The following PTPN6 variants were observed in gnomAD, a reference collection of about 807,000 sequenced individuals.
PTPN6 encodes the protein tyrosine-protein phosphatase non-receptor type 6.
PTPN6 carries 18 observed loss-of-function variants against 81.5 expected under a neutral mutation model. The ratio of observed to expected loss-of-function variants is 0.22; its 90% CI spans 0.15 to 0.33. The LOEUF (loss-of-function observed/expected upper bound fraction) is 0.33. Among genes scored for constraint, PTPN6 ranks in the 10% least tolerant of loss-of-function variants. The pLI is 1.00. For synonymous variants in PTPN6, 301 were observed against 310.9 expected (o/e 0.97, Z 0.33); for missense variants, 500 against 794.2 (o/e 0.63, Z 4.45).
In PTPN6 at chr12:6,957,824, C is replaced by G. The variant is rs782369044; in HGVS notation, c.1206+39C>G. The G allele has an allele frequency of 1.2e-6, 2 of 1,613,946 alleles. No homozygotes were observed. Among genetic ancestry groups the G allele is most frequent in the East Asian group, 2.2e-5 (1 of 44,900 alleles). On this transcript the variant is annotated intron_variant, in intron 10 of 15. Coordinates refer to ENST00000318974, the MANE Select transcript of PTPN6 (RefSeq NM_002831.6). This position sits in a 1 kb window ranked among gnomAD's most constrained non-coding sequence, Gnocchi z 6.5. ...ACGCCCTGCCCCATTCCGGGAGTCC[C>G]TCCCTGGACTTGTTCTCCTCTCTGG...
intron 11 of PTPN6, among the ~76,000 whole-genome samples, chr12:6,958,293 G>A (rs1239899664): frequency 6.6e-6 from 1 of 152,154 alleles, no homozygotes; most frequent in Non-Finnish European, 1.5e-5. Flanking sequence ...CTTCCTCAGA[G>A]CCCTCTCCGG....
In PTPN6 at chr12:6,959,148, G is replaced by A. The variant is rs782748628; in HGVS notation, c.1362-779G>A. Reference sequence around the variant, plus strand: ...CCCCCGATGGGCTGTCCGGGGACGCGGCTCTGTCCTGTGCTCTCTCAGGGA... The same window carrying A: ...CCCCCGATGGGCTGTCCGGGGACGCAGCTCTGTCCTGTGCTCTCTCAGGGA... On this transcript the variant is annotated intron_variant, in intron 11 of 15. Transcript: ENST00000318974. The surrounding 1 kb of genome is among the most constrained non-coding windows in gnomAD (Gnocchi z 6.6). Among the ~76,000 whole-genome samples, 24 of 152,206 alleles carry A rather than the reference G, an allele frequency of 1.6e-4. No homozygotes were observed. Among genetic ancestry groups the A allele is most frequent in the Admixed American group, 2.6e-4 (4 of 15,284 alleles).
rs1418721324 is a variant in PTPN6, at chr12:6,956,066, T to G, written c.845-76T>G. 6.9e-7 allele frequency: 1 copy of G among 1,459,116 alleles called. No homozygotes were observed. Among genetic ancestry groups the G allele is most frequent in the African/African-American group, 1.4e-5 (1 of 71,582 alleles). 90.4% of individuals were successfully genotyped at this position (1,459,116 alleles called of 1,614,324 possible). A position where few individuals can be genotyped will look rare whatever the true frequency, so the allele number is the denominator to read the frequency against. On this transcript the variant is annotated intron_variant, in intron 7 of 15. Coordinates refer to ENST00000318974, the MANE Select transcript of PTPN6 (RefSeq NM_002831.6). This position sits in a 1 kb window ranked among gnomAD's most constrained non-coding sequence, Gnocchi z 4.1. ...TCTGAGACCAGAATGGCCTGTTAGC[T>G]CAGGAGGGTCTGACCCAGGTGTGGT...
rs371086482 is a variant in PTPN6, at chr12:6,954,542, C to T, written c.327-263C>T. Among the ~76,000 whole-genome samples the T allele has an allele frequency of 3.5e-4, 54 of 152,320 alleles. No individual in the cohort carries two copies. Among genetic ancestry groups the T allele is most frequent in the African/African-American group, 9.6e-4 (40 of 41,560 alleles). ...AGCCTGGGCAACAGAGCTCTGGAAG[C>T]TTGCCCTAGAGTCAGTCAAGGGCCC... On this transcript the variant is annotated intron_variant, in intron 3 of 15. Coordinates refer to ENST00000318974, the MANE Select transcript of PTPN6 (RefSeq NM_002831.6). This position sits in a 1 kb window ranked among gnomAD's most constrained non-coding sequence, Gnocchi z 5.4.
At chr12:6,950,476 A>C (rs782292198), upstream of PTPN6, among the ~76,000 whole-genome samples, 81 of 23,366 alleles carry the variant, frequency 3.5e-3, no homozygotes, top group Non-Finnish European at 6.5e-3. Flanking sequence ...CTTGTCCCCC[A>C]GCCCCCCAGG....
rs1340964781 is a variant in PTPN6 at position 6,956,735 on chromosome 12, C to T, written c.1074+167C>T. On this transcript the variant is annotated intron_variant, in intron 9 of 15. Transcript: ENST00000318974. The surrounding 1 kb of genome is among the most constrained non-coding windows in gnomAD (Gnocchi z 4.1). The stretch of plus-strand genomic sequence containing the variant: ...AGTCTCGACTACACAACGTGACCCC[C>T]AGATCCCTGCATGCATCCCTGGGCT... 6.6e-6 allele frequency among the ~76,000 whole-genome samples: 1 copy of T among 152,154 alleles called. No homozygotes were observed. The highest frequency in any genetic ancestry group is 1.5e-5 in the Non-Finnish European group (1 of 68,022).
rs78416656 is a variant in PTPN6 at position 6,951,499 on chromosome 12, C to T, written c.-14C>T. On this transcript the variant is annotated 5_prime_UTR_variant, in exon 1 of 16. Transcript: ENST00000318974. This position sits in a 1 kb window ranked among gnomAD's most constrained non-coding sequence, Gnocchi z 7.2. ...TCATTCCCTGCGCCCCCTTCCTCTC[C>T]GGAAGCCCCCAGGATGGTGAGGTAA... The T allele has an allele frequency of 6.1e-5, 98 of 1,613,884 alleles. No individual in the cohort carries two copies. The highest frequency in any genetic ancestry group is 4.9e-4 in the East Asian group (22 of 44,870).
intron 11 of PTPN6, among the ~76,000 whole-genome samples, chr12:6,958,790 C>G (rs1443893648): frequency 6.6e-6 from 1 of 152,228 alleles, no homozygotes; most frequent in Non-Finnish European, 1.5e-5. Context: ...GTGCAGGGCC[C>G]CTCCGCTTAC....
chr12:6,957,894 C>A lies in PTPN6; in HGVS notation c.1207-25C>A, dbSNP rs1946060828. 6.2e-7 allele frequency: 1 copy of A among 1,613,890 alleles called. No individual in the cohort carries two copies. Among genetic ancestry groups the A allele is most frequent in the African/African-American group, 1.3e-5 (1 of 74,910 alleles). On this transcript the variant is annotated intron_variant, in intron 10 of 15. Transcript: ENST00000318974. This position sits in a 1 kb window ranked among gnomAD's most constrained non-coding sequence, Gnocchi z 6.5. The stretch of plus-strand genomic sequence containing the variant: ...TGAGGTGTTCCGAGAGAGGAGGGGG[C>A]ACTGACCCTATGTCCTCGGCTTAGG...
upstream of PTPN6, among the ~76,000 whole-genome samples, chr12:6,948,107 G>A (rs1842110450): frequency 6.6e-6 from 1 of 151,918 alleles, no homozygotes; most frequent in Non-Finnish European, 1.5e-5. Context: ...GCAACATAGA[G>A]AGACCCCATC....
At chr12:6,950,360 G>A (rs1371568639), upstream of PTPN6, among the ~76,000 whole-genome samples, 2 of 151,942 alleles carry the variant, frequency 1.3e-5, no homozygotes, top group Non-Finnish European at 2.9e-5. Context: ...TTGGTTTGGC[G>A]GTGTTGATGT....
upstream of PTPN6, among the ~76,000 whole-genome samples, chr12:6,949,787 T>A (rs1945893417): frequency 6.6e-6 from 1 of 151,520 alleles, no homozygotes; most frequent in African/African-American, 2.4e-5. Flanking sequence ...TCTTCTTGTA[T>A]CACCATTGAT....
rs782167753 is a variant in PTPN6, at chr12:6,960,874, G to A, written c.1742G>A (p.Arg581Gln). 14 of 1,580,246 alleles carry A rather than the reference G, an allele frequency of 8.9e-6. No homozygotes were observed. In the Admixed American group the frequency reaches 1.8e-4, roughly 21 times the overall value. Residue 581 changes from arginine to glutamine, a missense_variant, in exon 15 of 16, where the codon CGG (arginine) becomes CAG (glutamine). By Grantham distance (43) the Arg-to-Gln change is conservative. Transcript: ENST00000318974. This position sits in a 1 kb window ranked among gnomAD's most constrained non-coding sequence, Gnocchi z 6.1. Reference protein sequence around the residue: ...NKREEKVKKQRSADKEKSKGS... With the variant: ...NKREEKVKKQQSADKEKSKGS... ...AGGGAGGAGAAAGTGAAGAAGCAGC[G>A]GTCAGCAGACAAGGAGAAGAGCAAG...
rs201346004 is a variant in PTPN6, at chr12:6,951,954, G to T, written c.132-29G>T. 33 of 1,607,748 alleles carry T rather than the reference G, an allele frequency of 2.1e-5. No homozygotes were observed. Among genetic ancestry groups the T allele is most frequent in the Non-Finnish European group, 2.7e-5 (32 of 1,176,106 alleles). ...GCCCTCCTGCCTCTACTCCTGCACC[G>T]ACTGGCCTCACCGCCTGGTGCCCTG... On this transcript the variant is annotated intron_variant, in intron 2 of 15. Transcript: ENST00000318974. The surrounding 1 kb of genome is among the most constrained non-coding windows in gnomAD (Gnocchi z 7.2).
chr12:6,952,364 C>G lies in PTPN6; in HGVS notation c.326+187C>G, dbSNP rs1945941686. On this transcript the variant is annotated intron_variant, in intron 3 of 15. Coordinates refer to ENST00000318974, the MANE Select transcript of PTPN6 (RefSeq NM_002831.6). The surrounding 1 kb of genome is among the most constrained non-coding windows in gnomAD (Gnocchi z 8.1). ...TGGGACCTGGTGTCTCAGAGCCTAA[C>G]CTACCACCCTTTCCACCTAACCCCG... 1.5e-6 allele frequency: 1 copy of G among 688,902 alleles called. No homozygotes were observed. Among genetic ancestry groups the G allele is most frequent in the African/African-American group, 1.8e-5 (1 of 55,880 alleles). 42.7% of individuals were successfully genotyped at this position (688,902 alleles called of 1,614,324 possible).
chr12:6,955,043 G>A lies in PTPN6; in HGVS notation c.516+49G>A. 1 of 1,611,314 alleles carries A rather than the reference G, an allele frequency of 6.2e-7. No homozygotes were observed. Among genetic ancestry groups the A allele is most frequent in the Non-Finnish European group, 8.5e-7 (1 of 1,177,656 alleles). ...AGCCTCTGCTGAGGCTCCTGTCTGT[G>A]ACCACAGTGTGGGTGGCAGGGAGGG... On this transcript the variant is annotated intron_variant, in intron 4 of 15. Coordinates refer to ENST00000318974, the MANE Select transcript of PTPN6 (RefSeq NM_002831.6). The surrounding 1 kb of genome is among the most constrained non-coding windows in gnomAD (Gnocchi z 7.2).
Position 6,954,173 on chromosome 12 carries a change from C to T in PTPN6, c.327-632C>T, listed in dbSNP as rs1945978904. 6.6e-6 allele frequency among the ~76,000 whole-genome samples: 1 copy of T among 152,118 alleles called. No individual in the cohort carries two copies. The highest frequency in any genetic ancestry group is 2.4e-5 in the African/African-American group (1 of 41,430). On this transcript the variant is annotated intron_variant, in intron 3 of 15. Transcript: ENST00000318974. The surrounding 1 kb of genome is among the most constrained non-coding windows in gnomAD (Gnocchi z 5.4). ...ATCCAGGGCACCCCAGAACCCCCTA[C>T]ACCACTCTTTCCCCAGTGGGGTTGT...
At position 6,955,994 on chromosome 12, in the gene PTPN6, T is replaced by C; in HGVS notation, c.845-148T>C. The C allele has an allele frequency of 1.2e-6, 1 of 866,354 alleles. No homozygotes were observed. Among genetic ancestry groups the C allele is most frequent in the Non-Finnish European group, 1.9e-6 (1 of 528,876 alleles). 53.7% of individuals were successfully genotyped at this position (866,354 alleles called of 1,614,324 possible). On this transcript the variant is annotated intron_variant, in intron 7 of 15. Coordinates refer to ENST00000318974, the MANE Select transcript of PTPN6 (RefSeq NM_002831.6). The surrounding 1 kb of genome is among the most constrained non-coding windows in gnomAD (Gnocchi z 7.2). ...AACTCCCTCACTCCCTCCATACAGATGATCCCCCACCCCTGCTGCCCACAG... is the reference window on the plus strand; with the variant it reads ...AACTCCCTCACTCCCTCCATACAGACGATCCCCCACCCCTGCTGCCCACAG...
chr12:6,954,843 C>A lies in PTPN6; in HGVS notation c.365C>A (p.Thr122Lys). The change falls in exon 4 of 16, where the codon ACG (threonine) becomes AAG (lysine). Residue 122 changes from threonine to lysine, a missense_variant. By Grantham distance (78) the Thr-to-Lys change is moderately conservative. This residue lies in a region of PTPN6 where 98 missense variants were observed against 199.2 expected (regional missense o/e 0.49). Transcript: ENST00000318974. The surrounding 1 kb of genome is among the most constrained non-coding windows in gnomAD (Gnocchi z 5.4). ...CACATGTCTGGCGGGCAGGCAGAGA[C>A]GCTGCTGCAGGCCAAGGGCGAGCCC... ...HGHMSGGQAE[T>K]LLQAKGEPWT... 1 of 1,614,166 alleles carries A rather than the reference C, an allele frequency of 6.2e-7. No individual in the cohort carries two copies. Among genetic ancestry groups the A allele is most frequent in the Non-Finnish European group, 8.5e-7 (1 of 1,180,044 alleles).
Sources: gnomAD v4.1 joint callset for allele counts (sites outside exome capture counted in the v4.1 genomes callset) on GRCh38, gnomAD v4.1.1 for gene constraint, gnomAD v4.1.1 regional missense constraint, Gnocchi (gnomAD v3.1) non-coding constraint, MANE v1.5 for transcripts, NCBI Gene and HGNC (gene_info 2026-07-23, HGNC 2026-07-21) for gene names.